STXBP4: variants seen among roughly 807,000 people sequenced by gnomAD.
STXBP4 encodes the protein syntaxin binding protein 4.
A neutral mutation model predicts 76.1 loss-of-function variants in STXBP4; 55 were observed. The ratio of observed to expected loss-of-function variants is 0.72; its 90% CI spans 0.58 to 0.91. STXBP4 has a LOEUF of 0.91. Among genes scored for constraint, STXBP4 ranks in the 40% least tolerant of loss-of-function variants. STXBP4 has a pLI of 0.00. For missense variants in STXBP4, 618 were observed against 636.9 expected (o/e 0.97, Z 0.32); for synonymous variants, 201 against 220.2 (o/e 0.91, Z 0.77).
chr17:55,118,972 A>G (rs1386793013), intron 16 of STXBP4, among the ~76,000 whole-genome samples: 1 of 149,760 alleles, frequency 6.7e-6, no homozygotes, highest in Non-Finnish European at 1.5e-5. Flanking sequence ...ATATTTTATT[A>G]TACTTTAAGT....
chr17:55,211,770 T>G, the STXBP4 span, among the ~76,000 whole-genome samples: 1 of 151,022 alleles, frequency 6.6e-6, no homozygotes. Context: ...ACAAATTAGT[T>G]TGGGGAATGC....
chr17:55,182,550 A>G, the STXBP4 span, among the ~76,000 whole-genome samples: 2 of 152,184 alleles, frequency 1.3e-5, no homozygotes, highest in African/African-American at 4.8e-5. Flanking sequence ...ATATTTGAAT[A>G]TACATTGACT....
intron 4 of STXBP4, among the ~76,000 whole-genome samples, chr17:54,992,119 C>G (rs751414542): frequency 1.3e-5 from 2 of 152,064 alleles, no homozygotes; most frequent in African/African-American, 2.4e-5. Flanking sequence ...TTTCCGAGTT[C>G]TAAGTGTTAT....
rs2078099870 is a variant in STXBP4 at position 55,010,980 on chromosome 17, A to G, written c.666+3383A>G. On this transcript the variant is annotated intron_variant, in intron 8 of 17. Transcript: ENST00000376352. Reference sequence around the variant, plus strand: ...CTTTTTGTTTTACTTTTTTCCCCATACATATTCTGCTTACATATGAGACCT... The same window carrying G: ...CTTTTTGTTTTACTTTTTTCCCCATGCATATTCTGCTTACATATGAGACCT... Among the ~76,000 whole-genome samples, 3 of 152,184 alleles carry G rather than the reference A, an allele frequency of 2.0e-5. No homozygotes were observed. In the South Asian group the frequency reaches 6.2e-4, roughly 31 times the overall value.
At chr17:55,125,487 A>AAAAAG (rs2079900391) in intron 16 of STXBP4, among the ~76,000 whole-genome samples, 1 of 134,046 alleles carries the variant, frequency 7.5e-6, no homozygotes, top group Non-Finnish European at 1.6e-5. Context: ...TACAAAAAAA[A>AAAAAG]AAAAAAAAAA....
intron 4 of STXBP4, among the ~76,000 whole-genome samples, chr17:54,996,147 C>G (rs1189094963): frequency 6.6e-6 from 1 of 151,042 alleles, no homozygotes; most frequent in Non-Finnish European, 1.5e-5. Flanking sequence ...TAAGTAAATC[C>G]TGGGCAACTA....
chr17:55,034,039 C>T, intron 9 of STXBP4, 129 bp from the exon 10 acceptor site: 1 of 587,738 alleles, frequency 1.7e-6, no homozygotes, highest in South Asian at 3.1e-5. Flanking sequence ...TTACCTATCA[C>T]TTCAGTCAAT....
At chr17:55,003,120 A>G (rs1011537650) in intron 7 of STXBP4, among the ~76,000 whole-genome samples, 1 of 152,186 alleles carries the variant, frequency 6.6e-6, no homozygotes, top group Non-Finnish European at 1.5e-5. Flanking sequence ...TCAATTGATA[A>G]CTGAACACAG....
chr17:55,090,837 GTGTGTGTGTGTGTGTGTC>G lies in STXBP4; in HGVS notation c.1489+9672_1489+9689del, dbSNP rs1215770051. Among the ~76,000 whole-genome samples the G allele has an allele frequency of 6.0e-4, 4 of 6,620 alleles. No homozygotes were observed. In the South Asian group the frequency reaches 0.02, roughly 34 times the overall value. The allele number at this position is 6,620 out of a possible 152,430, so 4.3% of individuals were successfully genotyped here. A position where few individuals can be genotyped will look rare whatever the true frequency, so the allele number is the denominator to read the frequency against. ...ACACATAGAAATGACATTTTAAATT[GTGTGTGTGTGTGTGTGTC>G]TGTGTGTGTGTGTGTGTGTGTGTGT... On this transcript the variant is annotated intron_variant, in intron 16 of 17. Transcript: ENST00000376352.
intron 17 of STXBP4, among the ~76,000 whole-genome samples, chr17:55,157,284 G>A (rs547829265): frequency 3.3e-5 from 5 of 152,116 alleles, no homozygotes; most frequent in Admixed American, 6.6e-5. Context: ...TTTAGTTTTA[G>A]ACATGTACTT....
At chr17:55,182,482 G>A in the STXBP4 span, among the ~76,000 whole-genome samples, 1 of 152,032 alleles carries the variant, frequency 6.6e-6, no homozygotes, top group Non-Finnish European at 1.5e-5. Context: ...ACAATGAGAA[G>A]GGATAACGTA....
rs3080154 is a variant in STXBP4 at position 55,011,508 on chromosome 17, C to CTTTTTTTTTT, written c.666+3919_666+3928dup. On this transcript the variant is annotated intron_variant, in intron 8 of 17. Coordinates refer to ENST00000376352, the MANE Select transcript of STXBP4 (RefSeq NM_178509.6). ...GGATCAAAGAGTTTATTTTCTTTTT[C>CTTTTTTTTTT]TTTTTTTTTTTTTTTTTGCAGTTGC... Among the ~76,000 whole-genome samples the CTTTTTTTTTT allele has an allele frequency of 6.3e-3, 539 of 85,826 alleles. 47 individuals are homozygous for CTTTTTTTTTT. The highest frequency in any genetic ancestry group is 6.8e-3 in the Non-Finnish European group (335 of 49,464). The allele number at this position is 85,826 out of a possible 152,430, so 56.3% of individuals were successfully genotyped here.
At chr17:55,001,734 G>A (rs531282938) in intron 7 of STXBP4, among the ~76,000 whole-genome samples, 124 of 152,162 alleles carry the variant, frequency 8.1e-4, no homozygotes, top group African/African-American at 2.8e-3. Flanking sequence ...CTGGGTTCAC[G>A]CCATTCTCCT....
At chr17:55,159,474 G>A (rs898105670) in intron 17 of STXBP4, among the ~76,000 whole-genome samples, 17 of 152,172 alleles carry the variant, frequency 1.1e-4, no homozygotes, top group South Asian at 2.1e-4. Context: ...TGAAAAAGGA[G>A]AGCAAGAAAC....
chr17:55,079,840 T>C lies in STXBP4; in HGVS notation c.1355+1105T>C, dbSNP rs148015117. ...AGCAGCTTAATAAGTGAAGATATTTTTGGTGTCCACATAGCATTTTTTAAT... is the reference window on the plus strand; with the variant it reads ...AGCAGCTTAATAAGTGAAGATATTTCTGGTGTCCACATAGCATTTTTTAAT... On this transcript the variant is annotated intron_variant, in intron 15 of 17. Coordinates refer to ENST00000376352, the MANE Select transcript of STXBP4 (RefSeq NM_178509.6). Among the ~76,000 whole-genome samples the C allele has an allele frequency of 1.9e-3, 285 of 152,248 alleles. 1 individual carries two copies. The highest frequency in any genetic ancestry group is 6.5e-3 in the African/African-American group (269 of 41,550).
the STXBP4 span, among the ~76,000 whole-genome samples, chr17:55,211,231 A>T: frequency 6.6e-6 from 1 of 151,726 alleles, no homozygotes; most frequent in African/African-American, 2.4e-5. Flanking sequence ...AAATTTTTTT[A>T]TTATTATTTA....
At position 55,162,207 on chromosome 17, in the gene STXBP4, G is replaced by C. The variant is rs893326364; in HGVS notation, c.*2296G>C. The C allele has an allele frequency of 7.2e-5, 11 of 152,168 alleles. No individual in the cohort carries two copies. The highest frequency in any genetic ancestry group is 2.7e-4 in the African/African-American group (11 of 41,442). 9.4% of individuals were successfully genotyped at this position (152,168 alleles called of 1,614,324 possible). The stretch of plus-strand genomic sequence containing the variant: ...GTGACTTCTAAACCATCAGGTCGGT[G>C]CCATAAGAGATGCTCAAAAAAGCAT... On this transcript the variant is annotated 3_prime_UTR_variant, in exon 18 of 18. Coordinates refer to ENST00000376352, the MANE Select transcript of STXBP4 (RefSeq NM_178509.6).
rs922606881 is a variant in STXBP4 at position 55,163,875 on chromosome 17, A to G, written c.*3964A>G. 3 of 152,636 alleles carry G rather than the reference A, an allele frequency of 2.0e-5. No homozygotes were observed. Among genetic ancestry groups the G allele is most frequent in the Non-Finnish European group, 4.4e-5 (3 of 68,038 alleles). 9.5% of individuals were successfully genotyped at this position (152,636 alleles called of 1,614,324 possible). A position where few individuals can be genotyped will look rare whatever the true frequency, so the allele number is the denominator to read the frequency against. On this transcript the variant is annotated 3_prime_UTR_variant, in exon 18 of 18. Transcript: ENST00000376352. ...ATGCCGTATGAAGAGCCTCTCCAAT[A>G]ATAAATGCAAAGCAGCTGTCAAAAT...
intron 8 of STXBP4, among the ~76,000 whole-genome samples, chr17:55,020,540 G>A (rs1049551960): frequency 2.0e-5 from 3 of 151,916 alleles, no homozygotes; most frequent in Non-Finnish European, 2.9e-5. Context: ...ACTTTCGGCC[G>A]GGCGTGATGG....
Sources: allele counts gnomAD v4.1 joint callset (sites outside exome capture counted in the v4.1 genomes callset), GRCh38; gene constraint gnomAD v4.1.1; transcripts MANE v1.5; gene names NCBI Gene and HGNC (gene_info 2026-07-23, HGNC 2026-07-21).